GSE1: variants seen among roughly 807,000 people sequenced by gnomAD.
GSE1 encodes the protein Gse1 coiled-coil protein.
Under a neutral mutation model 112.6 loss-of-function variants are expected in GSE1, and 32 were observed. The observed-to-expected ratio is 0.28, with a 90% CI of 0.21 to 0.38. GSE1 has a LOEUF of 0.38. Ranked by LOEUF, GSE1 falls within the 10% of genes least tolerant of loss-of-function variation. The probability of loss-of-function intolerance (pLI) is 1.00; values close to 1 mark genes in which losing one functional copy is unlikely to be tolerated. For synonymous variants in GSE1, 1,115 were observed against 735.6 expected (o/e 1.52, Z -8.35); for missense variants, 2,348 against 1,699.2 (o/e 1.38, Z -6.71).
chr16:85,343,159 G>A (rs1372596746), intron 1 of GSE1, among the ~76,000 whole-genome samples: 2 of 152,108 alleles, frequency 1.3e-5, no homozygotes, highest in African/African-American at 2.4e-5. Context: ...ACTACGGCAC[G>A]CTCCTCAGCA....
intron 1 of GSE1, among the ~76,000 whole-genome samples, chr16:85,221,357 ACAC>A (rs959377959): frequency 6.6e-5 from 10 of 151,924 alleles, no homozygotes; most frequent in African/African-American, 2.4e-4. Flanking sequence ...GCACACACAC[ACAC>A]CATGTACATA....
intron 2 of GSE1, among the ~76,000 whole-genome samples, chr16:85,447,991 C>A (rs1233698789): frequency 5.9e-5 from 9 of 152,148 alleles, no homozygotes. Flanking sequence ...GACAGGATTG[C>A]AAATCTTAAT....
chr16:85,560,471 G>C (rs916957833), intron 1 of GSE1, among the ~76,000 whole-genome samples: 3 of 152,246 alleles, frequency 2.0e-5, no homozygotes, highest in African/African-American at 7.2e-5. Context: ...CTTTGGACCA[G>C]GCCTCTTGCC....
At position 85,390,041 on chromosome 16, in the gene GSE1, G is replaced by A. The variant is rs1177637612; in HGVS notation, c.2464+32398G>A. ...CACAAGCAGCTGACCTCGGGGCCTA[G>A]GCTGGGATTCAGCTGCAGATCAGGC... On this transcript the variant is annotated intron_variant, in intron 2 of 2. Transcript: ENST00000637419. Among the ~76,000 whole-genome samples the A allele has an allele frequency of 7.2e-5, 11 of 152,326 alleles. 1 individual carries two copies. Among genetic ancestry groups the A allele is most frequent in the Non-Finnish European group, 1.5e-5 (1 of 68,032 alleles).
In GSE1 at chr16:85,516,853, A is replaced by AGTG. The variant is rs1425838976; in HGVS notation, c.2465-117059_2465-117057dup. 2.1e-5 allele frequency among the ~76,000 whole-genome samples: 3 copies of AGTG among 144,068 alleles called. No homozygotes were observed. In the East Asian group the frequency reaches 6.2e-4, roughly 30 times the overall value. The allele number at this position is 144,068 out of a possible 152,430, so 94.5% of individuals were successfully genotyped here. On this transcript the variant is annotated intron_variant, in intron 2 of 2. Coordinates refer to the GSE1 transcript ENST00000637419. ...CGCTCTATCGCCCAGGCTGGAGTGC[A>AGTG]GTGGCGTGATCTCCACTTACTGCAA...
At chr16:85,257,742 TTGAG>T (rs1907236412) in intron 1 of GSE1, among the ~76,000 whole-genome samples, 1 of 152,152 alleles carries the variant, frequency 6.6e-6, no homozygotes, top group Non-Finnish European at 1.5e-5. Context: ...GCCCAGTCCT[TTGAG>T]TGAGGCTGTA....
intron 2 of GSE1, among the ~76,000 whole-genome samples, chr16:85,537,725 C>T (rs933939375): frequency 3.3e-5 from 5 of 152,176 alleles, no homozygotes; most frequent in African/African-American, 9.7e-5. Context: ...TGGTGAAGGC[C>T]GAAGAGGCCC....
chr16:85,663,208 C>G, intron 10 of GSE1, 115 bp downstream of exon 10: 1 of 1,276,514 alleles, frequency 7.8e-7, no homozygotes, highest in East Asian at 2.3e-5. Context: ...GGCGGGTTCG[C>G]CCCATGAAGC....
At chr16:85,429,885 A>C (rs938827500) in intron 2 of GSE1, among the ~76,000 whole-genome samples, 2 of 152,172 alleles carry the variant, frequency 1.3e-5, no homozygotes, top group East Asian at 3.8e-4. Flanking sequence ...GTGTGTGGTT[A>C]TTCTCTGTCT....
At chr16:85,252,856 G>A (rs13336719) in intron 1 of GSE1, among the ~76,000 whole-genome samples, 8,883 of 152,274 alleles carry the variant, frequency 0.058, 837 homozygotes, top group African/African-American at 0.2. Flanking sequence ...CAGCTTCTCC[G>A]AGCCTCAGTT....
intron 1 of GSE1, chr16:85,306,242 AGC>A (rs1227704710): frequency 6.5e-6 from 1 of 154,190 alleles, no homozygotes; most frequent in East Asian, 1.9e-4. Flanking sequence ...CTGTGCTCCT[AGC>A]CAGCCTCATT....
At chr16:85,483,628 C>T (rs986915411) in intron 2 of GSE1, among the ~76,000 whole-genome samples, 8 of 152,270 alleles carry the variant, frequency 5.3e-5, no homozygotes, top group Non-Finnish European at 1.0e-4. Flanking sequence ...CAAGTGTCTC[C>T]GAGGCGGCGG....
At chr16:85,391,017 A>G (rs868209173) in intron 2 of GSE1, among the ~76,000 whole-genome samples, 5 of 152,000 alleles carry the variant, frequency 3.3e-5, no homozygotes, top group Middle Eastern at 6.9e-3. Context: ...CTGGGAGTTG[A>G]CAGGACAAGG....
At chr16:85,556,382 TCCCTGGGTC>T (rs2045211385) in intron 1 of GSE1, 1 of 981,382 alleles carries the variant, frequency 1.0e-6, no homozygotes, top group Non-Finnish European at 1.2e-6. Context: ...GCCGTGCGCC[TCCCTGGGTC>T]CCGCGCGGCG....
At chr16:85,241,168 G>A (rs1905136957) in intron 1 of GSE1, among the ~76,000 whole-genome samples, 2 of 102,528 alleles carry the variant, frequency 2.0e-5, no homozygotes, top group South Asian at 6.1e-4. Context: ...CTTGGGCTCG[G>A]CTGCGTGACC....
At chr16:85,344,526 A>G (rs781684035) in intron 1 of GSE1, among the ~76,000 whole-genome samples, 27 of 152,248 alleles carry the variant, frequency 1.8e-4, no homozygotes, top group Non-Finnish European at 3.1e-4. Context: ...GATGGGCACC[A>G]GGAGCATGTG....
intron 1 of GSE1, among the ~76,000 whole-genome samples, chr16:85,567,394 C>G (rs569407340): frequency 3.9e-5 from 6 of 152,336 alleles, no homozygotes; most frequent in Admixed American, 2.6e-4. Context: ...GCTGGGAAGA[C>G]TGGGAGGCAA....
At chr16:85,506,205 C>G (rs946943724) in intron 2 of GSE1, among the ~76,000 whole-genome samples, 1 of 152,178 alleles carries the variant, frequency 6.6e-6, no homozygotes, top group African/African-American at 2.4e-5. Context: ...GTGTGTGGTG[C>G]GTCCCTGACG....
chr16:85,650,473 C>T (rs914576959), intron 3 of GSE1, among the ~76,000 whole-genome samples: 2 of 152,204 alleles, frequency 1.3e-5, no homozygotes, highest in Non-Finnish European at 2.9e-5. Context: ...GCCTTGACCC[C>T]GACCAGAGCT....
Sources: allele counts gnomAD v4.1 joint callset (sites outside exome capture counted in the v4.1 genomes callset), GRCh38; gene constraint gnomAD v4.1.1; transcripts MANE v1.5; gene names NCBI Gene and HGNC (gene_info 2026-07-23, HGNC 2026-07-21).